The following MAMDC2 variants were observed in gnomAD, a reference collection of about 807,000 sequenced individuals.
The protein encoded by MAMDC2 is MAM domain containing 2.
A neutral mutation model predicts 89.8 loss-of-function variants in MAMDC2; 57 were observed. The observed-to-expected ratio is 0.63, with a 90% CI of 0.51 to 0.79. The LOEUF is 0.79. Ranked by LOEUF, MAMDC2 falls within the 30% of genes least tolerant of loss-of-function variation. The pLI is 0.00. For missense variants in MAMDC2, 800 were observed against 820.6 expected (o/e 0.97, Z 0.31); for synonymous variants, 313 against 293.4 (o/e 1.07, Z -0.68).
intron 11 of MAMDC2, among the ~76,000 whole-genome samples, chr9:70,205,778 A>G (rs1199766944): frequency 1.3e-5 from 2 of 152,084 alleles, no homozygotes; most frequent in African/African-American, 4.8e-5. Flanking sequence ...ACAACATGTG[A>G]GCTGGTCTGA....
At position 70,221,356 on chromosome 9, in the gene MAMDC2, AATATATATATAT is replaced by A. The variant is rs1215738162; in HGVS notation, c.1911+2774_1911+2785del. The stretch of plus-strand genomic sequence containing the variant: ...AAAAAAAAAAGCAAGCCAAACAACA[AATATATATATAT>A]ATATATATATATAGAGAGAGAGAGA... On this transcript the variant is annotated intron_variant, in intron 12 of 13. Coordinates refer to ENST00000377182, the MANE Select transcript of MAMDC2 (RefSeq NM_153267.5). Among the ~76,000 whole-genome samples, 2 of 9,422 alleles carry A rather than the reference AATATATATATAT, an allele frequency of 2.1e-4. 1 individual carries two copies. Among genetic ancestry groups the A allele is most frequent in the African/African-American group, 6.0e-4 (2 of 3,332 alleles). The allele number at this position is 9,422 out of a possible 152,430, so 6.2% of individuals were successfully genotyped here.
chr9:70,043,842 C>A (rs1826663299), upstream of MAMDC2: 2 of 320,386 alleles, frequency 6.2e-6, no homozygotes, highest in Admixed American at 9.1e-5. Context: ...GAAGGCACTG[C>A]GGGCCGACCT....
At chr9:70,099,791 A>G (rs932420413) in intron 2 of MAMDC2, among the ~76,000 whole-genome samples, 5 of 152,116 alleles carry the variant, frequency 3.3e-5, no homozygotes, top group African/African-American at 1.2e-4. Context: ...CCTGGCCAAC[A>G]TGGTGAAACC....
At chr9:70,126,022 C>G in intron 5 of MAMDC2, 137 bp from the exon 6 acceptor site, 4 of 927,474 alleles carry the variant, frequency 4.3e-6, no homozygotes, top group Non-Finnish European at 4.8e-6. Flanking sequence ...AAACCTCTGT[C>G]AGCTGTAACT....
intron 7 of MAMDC2, among the ~76,000 whole-genome samples, chr9:70,138,051 C>T (rs984935569): frequency 6.6e-6 from 1 of 152,086 alleles, no homozygotes; most frequent in African/African-American, 2.4e-5. Flanking sequence ...CTTCCATACC[C>T]CCTCCTACTC....
chr9:70,150,908 C>T (rs554047141), intron 9 of MAMDC2, among the ~76,000 whole-genome samples: 1 of 152,302 alleles, frequency 6.6e-6, no homozygotes, highest in Non-Finnish European at 1.5e-5. Context: ...AATCTTGGAC[C>T]TCCCCTGCGT....
At chr9:70,170,387 C>G in intron 10 of MAMDC2, 92 bp from the exon 11 acceptor site, 1 of 1,425,426 alleles carries the variant, frequency 7.0e-7, no homozygotes, top group Non-Finnish European at 9.5e-7. Context: ...GGCATATGGC[C>G]AGACAACATT....
At chr9:70,053,682 C>A (rs561470493) in intron 2 of MAMDC2, among the ~76,000 whole-genome samples, 47 of 152,300 alleles carry the variant, frequency 3.1e-4, no homozygotes, top group African/African-American at 1.1e-3. Flanking sequence ...AAGAGTAATA[C>A]AGAGATGCAA....
At position 70,150,374 on chromosome 9, in the gene MAMDC2, A is replaced by G. The variant is rs542567250; in HGVS notation, c.1404+6555A>G. On this transcript the variant is annotated intron_variant, in intron 9 of 13. Transcript: ENST00000377182. ...CAGTATTGACTTTACTTCCAAACTG[A>G]TGACAGTTTAACAGATTTTTCTGAG... 2.6e-5 allele frequency among the ~76,000 whole-genome samples: 4 copies of G among 152,300 alleles called. No homozygotes were observed. The South Asian group carries it at 8.3e-4, about 32-fold the overall frequency.
At chr9:70,216,364 G>A (rs1215845028) in intron 11 of MAMDC2, 1 of 152,058 alleles carries the variant, frequency 6.6e-6, no homozygotes, top group Non-Finnish European at 1.5e-5. Flanking sequence ...TCTTTTCCTA[G>A]TTTGCAGACA....
chr9:70,074,084 C>T (rs1365328991), intron 2 of MAMDC2, among the ~76,000 whole-genome samples: 2 of 152,156 alleles, frequency 1.3e-5, no homozygotes, highest in Non-Finnish European at 2.9e-5. Context: ...AGGGTAAGAA[C>T]CCTGCCCTTA....
chr9:70,096,663 G>A (rs1024818313), intron 2 of MAMDC2, among the ~76,000 whole-genome samples: 9 of 152,152 alleles, frequency 5.9e-5, no homozygotes, highest in African/African-American at 1.9e-4. Flanking sequence ...GGAGAGAATG[G>A]ATATTAGGGA....
At chr9:70,047,697 C>T (rs529968820) in intron 2 of MAMDC2, among the ~76,000 whole-genome samples, 2 of 152,114 alleles carry the variant, frequency 1.3e-5, no homozygotes, top group South Asian at 2.1e-4. Context: ...GTCCATGGTC[C>T]GTAGGTTAAT....
chr9:70,141,765 G>A (rs1025339950), intron 8 of MAMDC2, among the ~76,000 whole-genome samples: 16 of 152,112 alleles, frequency 1.1e-4, no homozygotes, highest in Admixed American at 3.3e-4. Context: ...AGGGTCAGGG[G>A]GCTTAAGTTT....
At chr9:70,146,994 G>A (rs143655744) in intron 9 of MAMDC2, among the ~76,000 whole-genome samples, 15 of 148,344 alleles carry the variant, frequency 1.0e-4, no homozygotes, top group Non-Finnish European at 1.8e-4. Context: ...GGTGGCTCAC[G>A]CCTGTAATCC....
intron 2 of MAMDC2, among the ~76,000 whole-genome samples, chr9:70,055,115 T>C (rs139840939): frequency 1.3e-4 from 20 of 152,304 alleles, no homozygotes; most frequent in African/African-American, 4.8e-4. Context: ...TTTAGGTCTA[T>C]GGGAATGTTA....
At chr9:70,071,399 A>T (rs1384717601) in intron 2 of MAMDC2, among the ~76,000 whole-genome samples, 2 of 152,176 alleles carry the variant, frequency 1.3e-5, no homozygotes, top group Non-Finnish European at 2.9e-5. Context: ...ACCAAGCATG[A>T]ATCATAAGTC....
Position 70,109,707 on chromosome 9 carries a change from A to G in MAMDC2, c.421-13A>G, listed in dbSNP as rs186609867. 261 of 1,601,974 alleles carry G rather than the reference A, an allele frequency of 1.6e-4. 1 individual carries two copies. In the African/African-American group the frequency reaches 2.9e-3, roughly 18 times the overall value. On this transcript the variant is annotated splice_polypyrimidine_tract_variant and intron_variant, in intron 3 of 13. Transcript: ENST00000377182. The stretch of plus-strand genomic sequence containing the variant: ...TGAAGTCTAACTCCCCTTCTTCCCC[A>G]TATGTTGTGCAGATTTTAATAGAAG...
Position 70,056,696 on chromosome 9 carries a change from C to T in MAMDC2, c.148+11999C>T, listed in dbSNP as rs549676930. On this transcript the variant is annotated intron_variant, in intron 2 of 13. Coordinates refer to ENST00000377182, the MANE Select transcript of MAMDC2 (RefSeq NM_153267.5). The stretch of plus-strand genomic sequence containing the variant: ...GGGTCCCAACCCCCAGGCCACAGAT[C>T]GGTACCGGTCTACTAGAAGCCCAGC... Among the ~76,000 whole-genome samples, 8 of 152,230 alleles carry T rather than the reference C, an allele frequency of 5.3e-5. No homozygotes were observed. The South Asian group carries it at 8.3e-4, about 16-fold the overall frequency.
Sources: gnomAD v4.1 joint callset for allele counts (sites outside exome capture counted in the v4.1 genomes callset) on GRCh38, gnomAD v4.1.1 for gene constraint, MANE v1.5 for transcripts, NCBI Gene and HGNC (gene_info 2026-07-23, HGNC 2026-07-21) for gene names.